The following TUBE1 variants were observed in gnomAD, a reference collection of about 807,000 sequenced individuals.
The protein encoded by TUBE1 is tubulin epsilon 1.
TUBE1 carries 34 observed loss-of-function variants against 53.5 expected under a neutral mutation model. The observed-to-expected ratio is 0.64, with a 90% CI of 0.48 to 0.85. The LOEUF (loss-of-function observed/expected upper bound fraction) is 0.85. Among genes scored for constraint, TUBE1 ranks in the 40% least tolerant of loss-of-function variants. TUBE1 has a pLI of 0.00. For synonymous variants in TUBE1, 177 were observed against 198.4 expected, an observed-to-expected ratio of 0.89 and a Z score of 0.91; for missense variants, 532 against 570.5, an observed-to-expected ratio of 0.93 and a Z score of 0.69.
At chr6:112,072,239 C>T (rs1350507291) in intron 10 of TUBE1, among the ~76,000 whole-genome samples, 163 bp from the exon 11 acceptor site, 1 of 152,108 alleles carries the variant, frequency 6.6e-6, no homozygotes, top group Non-Finnish European at 1.5e-5. Flanking sequence ...TTGGCAGTAA[C>T]ATGGTACAGT....
intron 4 of TUBE1, among the ~76,000 whole-genome samples, chr6:112,083,237 C>T (rs1056703825): frequency 3.3e-5 from 5 of 151,652 alleles, no homozygotes; most frequent in Non-Finnish European, 7.4e-5. Flanking sequence ...TAGATGATTC[C>T]CAGATGTCAC....
intron 3 of TUBE1, 121 bp from the exon 4 acceptor site, chr6:112,084,367 C>A (rs587727309): frequency 2.7e-6 from 2 of 745,486 alleles, no homozygotes; most frequent in East Asian, 2.5e-5. Context: ...AAGGCAGACA[C>A]AACAGCTATT....
intron 8 of TUBE1, chr6:112,075,061 TTTCTTTC>T: frequency 4.9e-6 from 1 of 202,290 alleles, no homozygotes; most frequent in Non-Finnish European, 9.0e-6. Flanking sequence ...ACATTTTTTT[TTTCTTTC>T]TTTTTTTTTT....
intron 4 of TUBE1, 157 bp downstream of exon 4, chr6:112,084,032 G>T (rs941903640): frequency 3.5e-5 from 22 of 629,560 alleles, no homozygotes; most frequent in Non-Finnish European, 6.2e-5. Flanking sequence ...AATGTGTTAG[G>T]TGGACACAAA....
At chr6:112,076,666 G>A in intron 6 of TUBE1, 157 bp from the exon 7 acceptor site, 3 of 529,524 alleles carry the variant, frequency 5.7e-6, no homozygotes, top group South Asian at 7.1e-5. Flanking sequence ...ACCTCCTAGG[G>A]TCAAATGATC....
chr6:112,087,045 TCGC>T (rs1777172406), intron 2 of TUBE1, 185 bp downstream of exon 2: 1 of 599,686 alleles, frequency 1.7e-6, no homozygotes, highest in Non-Finnish European at 2.9e-6. Context: ...AAGACTAAGG[TCGC>T]TGGCCAGTGT....
At chr6:112,082,280 C>T (rs1554316868) in intron 4 of TUBE1, among the ~76,000 whole-genome samples, 1 of 152,264 alleles carries the variant, frequency 6.6e-6, no homozygotes, top group South Asian at 2.1e-4. Flanking sequence ...TAGGTATTTT[C>T]AAGCATATTT....
chr6:112,081,881 T>C (rs587711428), intron 4 of TUBE1, among the ~76,000 whole-genome samples: 1 of 151,246 alleles, frequency 6.6e-6, no homozygotes, highest in East Asian at 1.9e-4. Context: ...TAGGATTACA[T>C]GTCCCGTCCT....
chr6:112,073,614 G>A (rs1038097702), intron 9 of TUBE1, among the ~76,000 whole-genome samples: 3 of 152,102 alleles, frequency 2.0e-5, no homozygotes, highest in African/African-American at 7.2e-5. Flanking sequence ...ATGCAGAAAC[G>A]GAGTCCTATC....
rs1554315338 is a variant in TUBE1 at position 112,071,557 on chromosome 6, T to C, written c.1283A>G (p.His428Arg). The C allele has an allele frequency of 6.2e-7, 1 of 1,608,614 alleles. No homozygotes were observed. Among genetic ancestry groups the C allele is most frequent in the Non-Finnish European group, 8.5e-7 (1 of 1,176,846 alleles). Residue 428 changes from histidine to arginine, a missense_variant, in exon 12 of 12, where the codon CAC becomes CGC. By Grantham distance (29) the His-to-Arg change is conservative. Coordinates refer to ENST00000368662, the MANE Select transcript of TUBE1 (RefSeq NM_016262.5). The stretch of plus-strand genomic sequence containing the variant: ...TTCCATCCCTTCAACTTGTAGATAG[T>C]GATGAAGGTGAGCCTATAAATTAAA... ...RLYKKKAHLH[H>R]YLQVEGMEES...
At position 112,087,320 on chromosome 6, in the gene TUBE1, A is replaced by G. The variant is rs1286809655; in HGVS notation, c.26-14T>C. On this transcript the variant is annotated splice_polypyrimidine_tract_variant and intron_variant, in intron 1 of 11. Transcript: ENST00000368662. ...CGCACTGGCCGACTGCGACCGGAGGAGAGGAAGGAAAGAGAATAGGACATT... is the reference window on the plus strand; with the variant it reads ...CGCACTGGCCGACTGCGACCGGAGGGGAGGAAGGAAAGAGAATAGGACATT... The G allele has an allele frequency of 1.3e-6, 2 of 1,552,016 alleles. No individual in the cohort carries two copies. Among genetic ancestry groups the G allele is most frequent in the African/African-American group, 2.7e-5 (2 of 73,164 alleles).
In TUBE1 at chr6:112,076,348, C is replaced by T. The variant is rs1776968229; in HGVS notation, c.610G>A (p.Asp204Asn). ...LAMKELNEHADCVLPIDNQSL... is the reference protein window; with the variant it reads ...LAMKELNEHANCVLPIDNQSL... ...TGATTGTCAATGGGCAATACACAGT[C>T]TGCATGCTCATTAAGTTCCTTCATT... The change falls in exon 7 of 12, where the codon GAC (aspartate) becomes AAC (asparagine). Residue 204 changes from aspartate to asparagine, a missense_variant. Transcript: ENST00000368662. The T allele has an allele frequency of 6.3e-7, 1 of 1,599,284 alleles. No individual in the cohort carries two copies. The highest frequency in any genetic ancestry group is 8.5e-7 in the Non-Finnish European group (1 of 1,174,048).
Position 112,076,398 on chromosome 6 carries a change from GTTATGACA to G in TUBE1, c.552_559del (p.Val185LeufsTer4). 3 of 1,613,518 alleles carry G rather than the reference GTTATGACA, an allele frequency of 1.9e-6. No homozygotes were observed. Among genetic ancestry groups the G allele is most frequent in the Non-Finnish European group, 2.5e-6 (3 of 1,179,814 alleles). On this transcript the variant is annotated frameshift_variant, in exon 7 of 12. Coordinates refer to ENST00000368662, the MANE Select transcript of TUBE1 (RefSeq NM_016262.5). LOFTEE classifies it high-confidence loss of function. ...TGCCAAGATGCTATTATAAGGTGAG[GTTATGACA>G]TCATCCTCACCAGAAGGATAAATGG...
intron 9 of TUBE1, among the ~76,000 whole-genome samples, chr6:112,073,527 T>A (rs1371778271): frequency 6.6e-6 from 1 of 152,172 alleles, no homozygotes; most frequent in Non-Finnish European, 1.5e-5. Context: ...GCTAGGCTGA[T>A]GCCAATGGAC....
chr6:112,078,726 T>C (rs1207172795), intron 6 of TUBE1: 1 of 152,070 alleles, frequency 6.6e-6, no homozygotes, highest in East Asian at 1.9e-4. Flanking sequence ...AATAAAAAGC[T>C]AGCTCAAATT....
rs781885303 is a variant in TUBE1 at position 112,071,999 on chromosome 6, C to A, written c.1172G>T (p.Gly391Val). The change falls in exon 11 of 12, where the codon GGC (glycine) becomes GTC (valine). Residue 391 changes from glycine to valine, a missense_variant. Physicochemically the swap from Gly to Val is moderately radical, Grantham distance 109. Transcript: ENST00000368662. ...TAAAGCTAATAACGAATGAGAATGG[C>A]CCACAGGAGGTACGGAACACAGGCT... ...KTSLCSVPPV[G>V]HSHSLLALAN... 1 of 1,612,890 alleles carries A rather than the reference C, an allele frequency of 6.2e-7. No homozygotes were observed. Among genetic ancestry groups the A allele is most frequent in the African/African-American group, 1.3e-5 (1 of 74,784 alleles).
chr6:112,077,887 C>G (rs1776998583), intron 6 of TUBE1: 2 of 151,988 alleles, frequency 1.3e-5, no homozygotes, highest in South Asian at 4.1e-4. Flanking sequence ...CTAAGTTTCT[C>G]TAAGAAAGAG....
At chr6:112,086,487 TGAA>T (rs1342756530) in intron 3 of TUBE1, 66 bp downstream of exon 3, 2 of 1,216,858 alleles carry the variant, frequency 1.6e-6, no homozygotes, top group Admixed American at 4.4e-5. Context: ...TATTGTCCTT[TGAA>T]GAATTCTCTC....
chr6:112,079,698 A>G lies in TUBE1; in HGVS notation c.383T>C (p.Phe128Ser). ...SLYQDQILEK[F>S]RKSAEHCDCL... The stretch of plus-strand genomic sequence containing the variant: ...ATCACAGTGCTCTGCCGACTTTCTG[A>G]ATTTCTCTAAAATCTGGTCTTGGTA... Residue 128 changes from phenylalanine to serine, a missense_variant, in exon 6 of 12, where the codon TTC (phenylalanine) becomes TCC (serine). By Grantham distance (155) the Phe-to-Ser change is radical. Transcript: ENST00000368662. The G allele has an allele frequency of 6.2e-7, 1 of 1,612,284 alleles. No individual in the cohort carries two copies. The highest frequency in any genetic ancestry group is 1.1e-5 in the South Asian group (1 of 90,818).
Sources: gnomAD v4.1 joint callset for allele counts (sites outside exome capture counted in the v4.1 genomes callset) on GRCh38, gnomAD v4.1.1 for gene constraint, MANE v1.5 for transcripts, NCBI Gene and HGNC (gene_info 2026-07-23, HGNC 2026-07-21) for gene names.